Variants in HEATR5B observed in about 807,000 individuals in gnomAD.
The protein encoded by HEATR5B is HEAT repeat containing 5B, also known as HEAT repeat-containing protein 5B.
Under a neutral mutation model 224.1 loss-of-function variants are expected in HEATR5B, and 156 were observed. The observed-to-expected ratio is 0.70, with a 90% CI of 0.61 to 0.80. The LOEUF is 0.80. HEATR5B is among the 30% of genes least tolerant of loss of function. The pLI, the probability that HEATR5B is intolerant of heterozygous loss-of-function variation, is 0.00. For missense variants in HEATR5B, 2,323 were observed against 2,535.5 expected, an observed-to-expected ratio of 0.92 and a Z score of 1.80; for synonymous variants, 1,027 against 893.0, an observed-to-expected ratio of 1.15 and a Z score of -2.68.
chr2:37,025,992 T>A (rs1668746990), intron 24 of HEATR5B, among the ~76,000 whole-genome samples: 1 of 152,182 alleles, frequency 6.6e-6, no homozygotes, highest in South Asian at 2.1e-4. Context: ...ATATGTTACC[T>A]TGCAGGGCAA....
At chr2:36,991,748 T>G (rs1666347388) in intron 33 of HEATR5B, among the ~76,000 whole-genome samples, 1 of 152,210 alleles carries the variant, frequency 6.6e-6, no homozygotes, top group African/African-American at 2.4e-5. Flanking sequence ...TGTGTAAATT[T>G]GACCTATTTT....
chr2:37,070,132 T>G, intron 7 of HEATR5B, 98 bp downstream of exon 7: 1 of 1,114,116 alleles, frequency 9.0e-7, no homozygotes, highest in Non-Finnish European at 1.3e-6. Context: ...ACTCCTGACC[T>G]CAGGCAATCT....
intron 20 of HEATR5B, among the ~76,000 whole-genome samples, chr2:37,039,392 G>A (rs1460086218): frequency 6.6e-6 from 1 of 152,056 alleles, no homozygotes; most frequent in Non-Finnish European, 1.5e-5. Context: ...CTTGAACTCA[G>A]GAAGCAGAGG....
intron 5 of HEATR5B, among the ~76,000 whole-genome samples, chr2:37,075,240 T>C (rs557676014): frequency 1.4e-4 from 22 of 152,262 alleles, no homozygotes; most frequent in African/African-American, 5.3e-4. Context: ...TAAAAAGGAA[T>C]GAACTATGGA....
chr2:37,038,497 T>C (rs376182368), intron 20 of HEATR5B, among the ~76,000 whole-genome samples: 1 of 152,172 alleles, frequency 6.6e-6, no homozygotes, highest in African/African-American at 2.4e-5. Flanking sequence ...AAGAGCTACA[T>C]TCTAGTTTTA....
At chr2:36,996,594 T>C (rs1026681505) in intron 33 of HEATR5B, among the ~76,000 whole-genome samples, 3 of 151,856 alleles carry the variant, frequency 2.0e-5, no homozygotes, top group Non-Finnish European at 2.9e-5. Flanking sequence ...TTTTTGTATA[T>C]ATATATATTT....
At chr2:36,990,578 A>G (rs1666260788) in intron 34 of HEATR5B, 70 bp downstream of exon 34, 1 of 1,337,816 alleles carries the variant, frequency 7.5e-7, no homozygotes, top group Non-Finnish European at 1.0e-6. Context: ...ACATATTTTA[A>G]TGAATCAATC....
At chr2:37,059,124 A>G (rs1173972088) in intron 12 of HEATR5B, 137 bp from the exon 13 acceptor site, 11 of 473,406 alleles carry the variant, frequency 2.3e-5, no homozygotes, top group Non-Finnish European at 3.3e-5. Context: ...ATGTCGAACC[A>G]AAAGAAAAAC....
At chr2:37,076,153 T>C (rs3845782) in intron 4 of HEATR5B, 131,821 of 151,896 alleles carry the variant, frequency 0.87, 57,750 homozygotes, top group East Asian at 1. Context: ...CTCATCACAG[T>C]GTATCACAAT....
chr2:37,005,543 A>T (rs1473328437), intron 30 of HEATR5B, 89 bp downstream of exon 30: 2 of 1,213,684 alleles, frequency 1.6e-6, no homozygotes, highest in Admixed American at 3.7e-5. Flanking sequence ...ATAGGATCCA[A>T]TACAGAAAAA....
intron 20 of HEATR5B, among the ~76,000 whole-genome samples, chr2:37,038,910 G>GC (rs1233433484): frequency 6.1e-5 from 8 of 131,072 alleles, no homozygotes; most frequent in Non-Finnish European, 8.3e-5. Flanking sequence ...CCTGGGGTGG[G>GC]GGGGGTGGGG....
chr2:36,987,125 TAAG>T lies in HEATR5B; in HGVS notation c.5911+1518_5911+1520del, dbSNP rs542833968. Among the ~76,000 whole-genome samples the T allele has an allele frequency of 4.0e-3, 611 of 152,220 alleles. 5 individuals carry two copies. The highest frequency in any genetic ancestry group is 6.3e-3 in the Non-Finnish European group (431 of 68,016). On this transcript the variant is annotated intron_variant, in intron 35 of 35. Coordinates refer to ENST00000233099, the MANE Select transcript of HEATR5B (RefSeq NM_019024.3). ...TCTTAGGAATCTGACAGAAATAATT[TAAG>T]AATAAAGATGCTCATCTCGGCCAGG...
intron 31 of HEATR5B, among the ~76,000 whole-genome samples, chr2:37,003,307 G>C (rs1017843694): frequency 6.7e-6 from 1 of 149,708 alleles, no homozygotes; most frequent in African/African-American, 2.5e-5. Flanking sequence ...GCTTGGTGGA[G>C]TGTGCCTATA....
chr2:37,070,121 A>C lies in HEATR5B; in HGVS notation c.927+109T>G, dbSNP rs571351599. On this transcript the variant is annotated intron_variant, in intron 7 of 35. Transcript: ENST00000233099. ...CACCATGTTAGTCAGGCTGGTCTCA[A>C]ACTCCTGACCTCAGGCAATCTGCCC... The C allele has an allele frequency of 3.0e-6, 3 of 991,392 alleles. No individual in the cohort carries two copies. In the South Asian group the frequency reaches 4.4e-5, roughly 14 times the overall value. 61.4% of individuals were successfully genotyped at this position (991,392 alleles called of 1,614,324 possible). A position where few individuals can be genotyped will look rare whatever the true frequency, so the allele number is the denominator to read the frequency against.
intron 24 of HEATR5B, 147 bp from the exon 25 acceptor site, chr2:37,020,983 C>A: frequency 1.8e-6 from 1 of 566,044 alleles, no homozygotes; most frequent in Non-Finnish European, 3.1e-6. Flanking sequence ...TATATTCTTT[C>A]AAGACAACTT....
chr2:37,058,368 G>T, intron 14 of HEATR5B, 83 bp downstream of exon 14: 1 of 776,302 alleles, frequency 1.3e-6, no homozygotes, highest in Non-Finnish European at 2.2e-6. Context: ...TAAGTCAGTG[G>T]GAGAGCCTTT....
chr2:36,997,620 G>C (rs1011039362), intron 33 of HEATR5B, among the ~76,000 whole-genome samples: 1 of 144,500 alleles, frequency 6.9e-6, no homozygotes, highest in African/African-American at 2.6e-5. Flanking sequence ...AGGCTGGAGT[G>C]CAGTGGCGCG....
chr2:37,034,588 G>A (rs963476624), intron 21 of HEATR5B, among the ~76,000 whole-genome samples: 7 of 134,424 alleles, frequency 5.2e-5, no homozygotes, highest in Non-Finnish European at 7.9e-5. Flanking sequence ...ACTCCAGCCT[G>A]GGCGACACAG....
chr2:36,990,818 A>C lies in HEATR5B; in HGVS notation c.5546-19T>G. The C allele has an allele frequency of 6.5e-7, 1 of 1,537,448 alleles. No individual in the cohort carries two copies. The highest frequency in any genetic ancestry group is 8.8e-7 in the Non-Finnish European group (1 of 1,140,184). On this transcript the variant is annotated intron_variant, in intron 33 of 35. Transcript: ENST00000233099. ...GAGTCTTCTGAAAATGAAAAATGAAAGAAGTGTGCTGTTTCTAAAACATTT... is the reference window on the plus strand; with the variant it reads ...GAGTCTTCTGAAAATGAAAAATGAACGAAGTGTGCTGTTTCTAAAACATTT...
Sources: gnomAD v4.1 joint callset for allele counts (sites outside exome capture counted in the v4.1 genomes callset) on GRCh38, gnomAD v4.1.1 for gene constraint, MANE v1.5 for transcripts, NCBI Gene and HGNC (gene_info 2026-07-23, HGNC 2026-07-21) for gene names.